CTNNA3: variants seen among roughly 807,000 people sequenced by gnomAD.
CTNNA3 encodes the protein catenin alpha 3.
CTNNA3 carries 76 observed loss-of-function variants against 95.7 expected under a neutral mutation model. That is an observed-to-expected ratio of 0.79 (90% CI 0.66 to 0.96). The LOEUF is 0.96. Ranked by LOEUF, CTNNA3 falls within the 40% of genes least tolerant of loss-of-function variation. The pLI, the probability that CTNNA3 is intolerant of heterozygous loss-of-function variation, is 0.00. For missense variants in CTNNA3, 1,191 were observed against 1,089.8 expected, an observed-to-expected ratio of 1.09 and a Z score of -1.31; for synonymous variants, 431 against 374.4, an observed-to-expected ratio of 1.15 and a Z score of -1.74.
chr10:67,203,039 A>G (rs1863718997), intron 6 of CTNNA3, among the ~76,000 whole-genome samples: 1 of 152,174 alleles, frequency 6.6e-6, no homozygotes, highest in African/African-American at 2.4e-5. Flanking sequence ...AGGTATTTGA[A>G]TACTCAGAAG....
chr10:66,079,230 G>A (rs1275351059), intron 14 of CTNNA3: 1 of 151,986 alleles, frequency 6.6e-6, no homozygotes, highest in African/African-American at 2.4e-5. Context: ...GTAAAGTAGA[G>A]TTGGATGGCA....
intron 1 of CTNNA3, chr10:67,751,169 G>C: frequency 7.8e-7 from 1 of 1,278,528 alleles, no homozygotes; most frequent in South Asian, 1.2e-5. Context: ...ACAGAAACTG[G>C]AGGGCCCGTA....
intron 12 of CTNNA3, among the ~76,000 whole-genome samples, chr10:66,358,523 C>A (rs917918991): frequency 6.6e-6 from 1 of 152,152 alleles, no homozygotes; most frequent in Non-Finnish European, 1.5e-5. Context: ...ATACTTACTC[C>A]ATTTTTAACT....
intron 9 of CTNNA3, among the ~76,000 whole-genome samples, chr10:66,682,060 G>A (rs988663677): frequency 3.2e-4 from 48 of 152,290 alleles, no homozygotes; most frequent in South Asian, 8.3e-4. Flanking sequence ...ACCTGCAAGA[G>A]CCCAATCCCT....
At chr10:67,231,841 G>A (rs901203683) in intron 5 of CTNNA3, among the ~76,000 whole-genome samples, 3 of 152,152 alleles carry the variant, frequency 2.0e-5, no homozygotes, top group African/African-American at 4.8e-5. Flanking sequence ...TGAAAACCAA[G>A]GCTCAAGAAC....
rs369420715 is a variant in CTNNA3, at chr10:67,219,827, C to G, written c.623G>C (p.Arg208Pro). 2 of 1,613,006 alleles carry G rather than the reference C, an allele frequency of 1.2e-6. No homozygotes were observed. The highest frequency in any genetic ancestry group is 8.5e-7 in the Non-Finnish European group (1 of 1,179,274). Residue 208 changes from arginine (R) to proline (P), a missense_variant, in exon 6 of 18, where the codon CGA becomes CCA. By Grantham distance (103) the Arg-to-Pro change is moderately radical. Coordinates refer to ENST00000433211, the MANE Select transcript of CTNNA3 (RefSeq NM_013266.4). ...PNQRDEIAGA[R>P]ASLKENSPLL... Reference sequence around the variant, plus strand: ...GGGAGAGTTCTCCTTCAGTGAAGCTCGGGCTCCTGCAATTTCATCTCTCTG... The same window carrying G: ...GGGAGAGTTCTCCTTCAGTGAAGCTGGGGCTCCTGCAATTTCATCTCTCTG...
chr10:66,391,024 C>T (rs1042922760), intron 11 of CTNNA3, among the ~76,000 whole-genome samples: 3 of 151,994 alleles, frequency 2.0e-5, no homozygotes, highest in African/African-American at 7.2e-5. Context: ...AAATAAAGCA[C>T]TTTGTATTTT....
intron 12 of CTNNA3, among the ~76,000 whole-genome samples, chr10:66,313,123 G>A (rs1439844881): frequency 1.3e-5 from 2 of 152,066 alleles, no homozygotes; most frequent in Non-Finnish European, 2.9e-5. Flanking sequence ...TATCATTTAC[G>A]GAGCACTTCC....
intron 7 of CTNNA3, among the ~76,000 whole-genome samples, chr10:67,044,716 G>A (rs1261118510): frequency 6.6e-6 from 1 of 152,104 alleles, no homozygotes; most frequent in East Asian, 1.9e-4. Flanking sequence ...AACTCTTAGG[G>A]ATGTTATAAG....
intron 2 of CTNNA3, 65 bp downstream of exon 2, chr10:67,647,350 T>C (rs1410077704): frequency 3.5e-6 from 4 of 1,140,676 alleles, no homozygotes. Context: ...TCATTATTCA[T>C]TTTTCCCACA....
intron 11 of CTNNA3, among the ~76,000 whole-genome samples, chr10:66,438,374 C>T (rs1032641623): frequency 3.3e-5 from 5 of 152,184 alleles, no homozygotes; most frequent in Non-Finnish European, 2.9e-5. Context: ...TGGCTTCTGC[C>T]TTTCTTTCAG....
intron 13 of CTNNA3, among the ~76,000 whole-genome samples, chr10:66,131,106 C>T (rs1319001625): frequency 1.3e-5 from 2 of 151,166 alleles, no homozygotes; most frequent in African/African-American, 4.9e-5. Context: ...AGCCCTGGAC[C>T]AGACGGATTC....
chr10:66,361,661 C>T (rs2092676593), intron 12 of CTNNA3, among the ~76,000 whole-genome samples: 1 of 151,670 alleles, frequency 6.6e-6, no homozygotes, highest in Non-Finnish European at 1.5e-5. Flanking sequence ...CCTAAACCTC[C>T]CAAGTAGCTG....
chr10:66,658,667 C>T (rs2132435358), intron 9 of CTNNA3, among the ~76,000 whole-genome samples: 1 of 152,182 alleles, frequency 6.6e-6, no homozygotes, highest in East Asian at 1.9e-4. Context: ...GCCTGATCAT[C>T]TGCCTGCAGC....
intron 1 of CTNNA3, among the ~76,000 whole-genome samples, chr10:67,693,658 A>C (rs7908109): frequency 0.24 from 35,968 of 152,132 alleles, 5,104 homozygotes; most frequent in East Asian, 0.52. Context: ...AGAATATATT[A>C]TTTGATAATT....
intron 15 of CTNNA3, among the ~76,000 whole-genome samples, chr10:66,047,178 A>G (rs538293124): frequency 1.3e-5 from 2 of 152,286 alleles, no homozygotes; most frequent in African/African-American, 4.8e-5. Context: ...CCCACACACA[A>G]AAGAAAACTT....
intron 7 of CTNNA3, chr10:67,097,858 A>C (rs1445246544): frequency 1.4e-6 from 2 of 1,465,678 alleles, no homozygotes; most frequent in East Asian, 4.6e-5. Context: ...CAAAATGAGG[A>C]AGATGTGTTC....
intron 13 of CTNNA3, among the ~76,000 whole-genome samples, chr10:66,272,429 T>G (rs1180553650): frequency 2.6e-5 from 4 of 152,110 alleles, no homozygotes; most frequent in Admixed American, 1.3e-4. Flanking sequence ...CAGAAAAGCA[T>G]GAAGGGGAGA....
intron 13 of CTNNA3, among the ~76,000 whole-genome samples, chr10:66,250,589 T>G (rs904733094): frequency 6.6e-6 from 1 of 152,178 alleles, no homozygotes; most frequent in Non-Finnish European, 1.5e-5. Context: ...ATAATTTTTT[T>G]GAACGGCAGG....
Sources: allele counts gnomAD v4.1 joint callset (sites outside exome capture counted in the v4.1 genomes callset), GRCh38; gene constraint gnomAD v4.1.1; transcripts MANE v1.5; gene names NCBI Gene and HGNC (gene_info 2026-07-23, HGNC 2026-07-21).